The following PGAP6 variants were observed in gnomAD, a reference collection of about 807,000 sequenced individuals.
PGAP6 encodes the protein post-GPI attachment to proteins factor 6.
A neutral mutation model predicts 68.4 loss-of-function variants in PGAP6; 62 were observed. The ratio of observed to expected loss-of-function variants is 0.91; its 90% CI spans 0.74 to 1.12. The LOEUF is 1.12. Ranked by LOEUF, PGAP6 falls within the 50% of genes most tolerant of loss-of-function variation. The probability of loss-of-function intolerance (pLI) is 0.00; values close to 1 mark genes in which losing one functional copy is unlikely to be tolerated. For synonymous variants in PGAP6, 575 were observed against 474.0 expected, an observed-to-expected ratio of 1.21 and a Z score of -2.77; for missense variants, 1,188 against 1,068.5, an observed-to-expected ratio of 1.11 and a Z score of -1.56.
intron 12 of PGAP6, 159 bp downstream of exon 12, chr16:372,452 G>A: frequency 1.0e-6 from 1 of 965,494 alleles, no homozygotes; most frequent in Non-Finnish European, 1.6e-6. Flanking sequence ...CCAGGCCTCA[G>A]GGACACAGCC....
At chr16:384,889 G>T (rs1050204354), upstream of PGAP6, among the ~76,000 whole-genome samples, 3 of 151,256 alleles carry the variant, frequency 2.0e-5, no homozygotes, top group Non-Finnish European at 2.9e-5. Context: ...GAGGCCGTAC[G>T]CGGTGGCTAA....
upstream of PGAP6, chr16:386,907 C>A (rs774389660): frequency 4.9e-6 from 3 of 613,266 alleles, no homozygotes; most frequent in Non-Finnish European, 9.3e-6. Context: ...CTTCCAGCGG[C>A]CCAAGACACT....
Position 377,682 on chromosome 16 carries a change from C to G in PGAP6, c.288G>C (p.Ala96=). 6.3e-7 allele frequency: 1 copy of G among 1,584,956 alleles called. No individual in the cohort carries two copies. The highest frequency in any genetic ancestry group is 1.1e-5 in the South Asian group (1 of 87,306). The part of the protein sequence containing the change: ...SRESGAACTD[A]EITVHFRSGA... Reference sequence around the variant, plus strand: ...GGGCAGCCACCTACACGGTGATCTCCGCGTCGGTGCAGGCAGCGCCGCTCT... The same window carrying G: ...GGGCAGCCACCTACACGGTGATCTCGGCGTCGGTGCAGGCAGCGCCGCTCT... The change falls in exon 2 of 13, where the codon GCG becomes GCC. Residue 96 remains alanine, a synonymous_variant. Coordinates refer to ENST00000431232, the MANE Select transcript of PGAP6 (RefSeq NM_021259.3).
Position 373,997 on chromosome 16 carries a change from C to T in PGAP6, c.1902+8G>A. ...CGGAGCCCACACCCCACGTCGAGGG[C>T]CACTCACGTATTTCAGGACTGTCTT... On this transcript the variant is annotated splice_region_variant and intron_variant, in intron 11 of 12. Coordinates refer to ENST00000431232, the MANE Select transcript of PGAP6 (RefSeq NM_021259.3). 7 of 1,602,222 alleles carry T rather than the reference C, an allele frequency of 4.4e-6. No homozygotes were observed. Among genetic ancestry groups the T allele is most frequent in the Non-Finnish European group, 6.0e-6 (7 of 1,175,146 alleles).
chr16:380,266 A>C (rs2054425672), intron 1 of PGAP6, among the ~76,000 whole-genome samples: 1 of 152,104 alleles, frequency 6.6e-6, no homozygotes, highest in South Asian at 2.1e-4. Flanking sequence ...CCCAGGCTAG[A>C]GTGCAGTGCC....
In PGAP6 at chr16:381,722, C is replaced by A. The variant is rs1364383626; in HGVS notation, c.100G>T (p.Ala34Ser). ...LLLARPPPAS[A>S]GYSGKSEVGL... ...TCACCGCTCTTCCCGCTGTAGCCGG[C>A]GGAGGCAGGCGGGGGCCGGGCAAGC... Residue 34 changes from alanine (A) to serine (S), a missense_variant, in exon 1 of 13, where the codon GCC (alanine) becomes TCC (serine). By Grantham distance (99) the Ala-to-Ser change is moderately conservative (BLOSUM62 1). Coordinates refer to ENST00000431232, the MANE Select transcript of PGAP6 (RefSeq NM_021259.3). The A allele has an allele frequency of 1.7e-6, 2 of 1,210,782 alleles. No individual in the cohort carries two copies. Among genetic ancestry groups the A allele is most frequent in the Non-Finnish European group, 1.0e-6 (1 of 973,540 alleles). 75.0% of individuals were successfully genotyped at this position (1,210,782 alleles called of 1,614,324 possible). A position where few individuals can be genotyped will look rare whatever the true frequency, so the allele number is the denominator to read the frequency against.
In PGAP6 at chr16:375,235, A is replaced by C. The variant is rs1280120147; in HGVS notation, c.1337T>G (p.Leu446Trp). The change falls in exon 8 of 13, where the codon TTG becomes TGG. Residue 446 changes from leucine to tryptophan, a missense_variant. Physicochemically the swap from Leu to Trp is moderately conservative, Grantham distance 61 (BLOSUM62 -2). Transcript: ENST00000431232. Reference sequence around the variant, plus strand: ...CCTGCGAGACCAGGCGCTCAGAGACAAAGGGTAGCCCTGGAAGAAGGCTGC... The same window carrying C: ...CCTGCGAGACCAGGCGCTCAGAGACCAAGGGTAGCCCTGGAAGAAGGCTGC... Reference protein sequence around the residue: ...CTTAFFQGYPLSLSAWSRRAN... With the variant: ...CTTAFFQGYPWSLSAWSRRAN... 1.2e-6 allele frequency: 2 copies of C among 1,613,074 alleles called. No homozygotes were observed.
In PGAP6 at chr16:373,555, G is replaced by GTTTCT. The variant is rs572461131; in HGVS notation, c.1902+445_1902+449dup. Among the ~76,000 whole-genome samples, 234 of 152,138 alleles carry GTTTCT rather than the reference G, an allele frequency of 1.5e-3. 1 individual carries two copies. The highest frequency in any genetic ancestry group is 1.3e-3 in the Non-Finnish European group (90 of 67,978). ...CGTGTGGCATCACAGAAGACATGAG[G>GTTTCT]TTTCTTTTCTTTTCTTTTGTCACCC... On this transcript the variant is annotated intron_variant, in intron 11 of 12. Transcript: ENST00000431232.
chr16:385,656 G>A (rs371686738), upstream of PGAP6, among the ~76,000 whole-genome samples: 7 of 80,882 alleles, frequency 8.7e-5, no homozygotes, highest in African/African-American at 2.1e-4. Context: ...ATGGAATCTC[G>A]CTCTGTCGCC....
rs1316874386 is a variant in PGAP6 at position 375,154 on chromosome 16, A to G, written c.1418T>C (p.Leu473Pro). 1 of 1,613,350 alleles carries G rather than the reference A, an allele frequency of 6.2e-7. No individual in the cohort carries two copies. The highest frequency in any genetic ancestry group is 8.5e-7 in the Non-Finnish European group (1 of 1,179,958). The part of the protein sequence containing the change: ...ETDNWYLSLQ[L>P]MCPENAEDCE... ...TTACTCAGCATTCTCAGGGCACATG[A>G]GCTGCAGGGAGAGGTACCAGTTGTC... is the stretch of plus-strand genomic sequence containing the variant. Residue 473 changes from leucine to proline, a missense_variant, in exon 8 of 13, where the codon CTC (leucine) becomes CCC (proline). By Grantham distance (98) the Leu-to-Pro change is moderately conservative. Transcript: ENST00000431232.
At chr16:374,422 C>G in intron 9 of PGAP6, 23 bp from the exon 10 acceptor site, 1 of 1,539,840 alleles carries the variant, frequency 6.5e-7, no homozygotes, top group Non-Finnish European at 8.7e-7. Flanking sequence ...AACCCCGACG[C>G]GGAGGCTGGG....
At chr16:380,230 G>A (rs1567326464) in intron 1 of PGAP6, among the ~76,000 whole-genome samples, 1 of 152,268 alleles carries the variant, frequency 6.6e-6, no homozygotes, top group East Asian at 1.9e-4. Flanking sequence ...TAAGGTTTTG[G>A]TATTTCTGAG....
chr16:372,588 TG>T (rs745766808), intron 12 of PGAP6, 22 bp downstream of exon 12: 1 of 1,571,294 alleles, frequency 6.4e-7, no homozygotes, highest in South Asian at 1.1e-5. Flanking sequence ...TGGGCAGCAG[TG>T]CCAGCCAGCC....
intron 3 of PGAP6, 41 bp downstream of exon 3, chr16:377,337 C>G (rs375979163): frequency 7.1e-6 from 11 of 1,555,718 alleles, no homozygotes; most frequent in Middle Eastern, 2.1e-4. Flanking sequence ...GCCATCGCCG[C>G]AAGGTTCTCT....
Position 374,347 on chromosome 16 carries a change from C to T in PGAP6, c.1629G>A (p.Gln543=), listed in dbSNP as rs138827125. ...TDNSTAQTVA[Q]QRAATLLLTL... is the part of the protein sequence containing the mutation. ...TGAGCAGCAGTGTGGCCGCCCTCTG[C>T]TGGGCCACCGTCTGGGCTGTGCTGT... Residue 543 remains glutamine, a synonymous_variant, in exon 10 of 13, where the codon CAG becomes CAA. Transcript: ENST00000431232. The T allele has an allele frequency of 6.2e-7, 1 of 1,602,022 alleles. No homozygotes were observed. The highest frequency in any genetic ancestry group is 8.5e-7 in the Non-Finnish European group (1 of 1,178,998).
chr16:384,029 C>A (rs1381361926), upstream of PGAP6, among the ~76,000 whole-genome samples: 2 of 152,182 alleles, frequency 1.3e-5, no homozygotes, highest in African/African-American at 4.8e-5. Context: ...AGGGGGGCTC[C>A]CAGGGGTTCT....
chr16:372,571 G>T, intron 12 of PGAP6, 40 bp downstream of exon 12: 2 of 1,497,690 alleles, frequency 1.3e-6, no homozygotes, highest in South Asian at 2.3e-5. Context: ...TCTCTTCTCC[G>T]AGCACCTGGG....
upstream of PGAP6, among the ~76,000 whole-genome samples, chr16:383,888 C>T (rs1321624932): frequency 6.6e-6 from 1 of 152,128 alleles, no homozygotes; most frequent in East Asian, 1.9e-4. Context: ...CGAGCCCAGA[C>T]CCCTGAAGGC....
rs761216082 is a variant in PGAP6 at position 375,153 on chromosome 16, G to A, written c.1419C>T (p.Leu473=). 6.0e-5 allele frequency: 96 copies of A among 1,613,312 alleles called. No individual in the cohort carries two copies. Among genetic ancestry groups the A allele is most frequent in the Non-Finnish European group, 7.7e-5 (91 of 1,179,996 alleles). The part of the protein sequence containing the change: ...ETDNWYLSLQ[L]MCPENAEDCE... ...CTTACTCAGCATTCTCAGGGCACATGAGCTGCAGGGAGAGGTACCAGTTGT... is the reference window on the plus strand; with the variant it reads ...CTTACTCAGCATTCTCAGGGCACATAAGCTGCAGGGAGAGGTACCAGTTGT... Residue 473 remains leucine, a synonymous_variant, in exon 8 of 13, where the codon CTC becomes CTT. Transcript: ENST00000431232.
Sources: gnomAD v4.1 joint callset for allele counts (sites outside exome capture counted in the v4.1 genomes callset) on GRCh38, gnomAD v4.1.1 for gene constraint, MANE v1.5 for transcripts, NCBI Gene and HGNC (gene_info 2026-07-23, HGNC 2026-07-21) for gene names.